PI15: variants seen among roughly 807,000 people sequenced by gnomAD.
PI15 encodes peptidase inhibitor 15.
PI15 carries 18 observed loss-of-function variants against 31.0 expected under a neutral mutation model. The ratio of observed to expected loss-of-function variants is 0.58; its 90% CI spans 0.40 to 0.86. The LOEUF (loss-of-function observed/expected upper bound fraction) is 0.86, where lower values mean the gene tolerates loss of function less well. Among genes scored for constraint, PI15 ranks in the 40% least tolerant of loss-of-function variants. The pLI is 0.00. For synonymous variants in PI15, 118 were observed against 119.1 expected, an observed-to-expected ratio of 0.99 and a Z score of 0.06; for missense variants, 282 against 328.1, an observed-to-expected ratio of 0.86 and a Z score of 1.09.
At chr8:74,840,324 T>A (rs1456107154) in intron 2 of PI15, among the ~76,000 whole-genome samples, 1 of 151,868 alleles carries the variant, frequency 6.6e-6, no homozygotes, top group Non-Finnish European at 1.5e-5. Context: ...CACTGGGTCT[T>A]ATTTTTTTCT....
Position 74,854,603 on chromosome 8 carries a change from T to C in PI15, c.*5350T>C, listed in dbSNP as rs1346397678. On this transcript the variant is annotated 3_prime_UTR_variant, in exon 6 of 6. Transcript: ENST00000260113. ...AATATTCAGTTCAGTTTGTACCTGT[T>C]AGCAGTCTTTCAGTTTGGGGGAGAA... The C allele has an allele frequency of 6.6e-6, 1 of 152,152 alleles. No individual in the cohort carries two copies. The highest frequency in any genetic ancestry group is 1.5e-5 in the Non-Finnish European group (1 of 67,992). 9.4% of individuals were successfully genotyped at this position (152,152 alleles called of 1,614,324 possible). A position where few individuals can be genotyped will look rare whatever the true frequency, so the allele number is the denominator to read the frequency against.
chr8:74,829,799 T>C lies in PI15; in HGVS notation c.273+4277T>C, dbSNP rs543831480. On this transcript the variant is annotated intron_variant, in intron 2 of 5. Transcript: ENST00000260113. ...GCGATAATCTCTAGTTGGCAGATCA[T>C]GAAAGGCTCCTTGGAGGAGGAGCAT... Among the ~76,000 whole-genome samples the C allele has an allele frequency of 3.9e-5, 6 of 152,170 alleles. No homozygotes were observed. The East Asian group carries it at 1.2e-3, about 29-fold the overall frequency.
intron 2 of PI15, among the ~76,000 whole-genome samples, chr8:74,833,656 T>C (rs1039711986): frequency 1.3e-5 from 2 of 152,210 alleles, no homozygotes; most frequent in Non-Finnish European, 2.9e-5. Flanking sequence ...AGAGCTGTGC[T>C]ACATACACTT....
At position 74,830,936 on chromosome 8, in the gene PI15, T is replaced by G. The variant is rs550457948; in HGVS notation, c.273+5414T>G. Reference sequence around the variant, plus strand: ...GCGTTTTCTCCAGCACATTCAGAACTCTACATTCCTGCTCTCCTGGATGTA... The same window carrying G: ...GCGTTTTCTCCAGCACATTCAGAACGCTACATTCCTGCTCTCCTGGATGTA... On this transcript the variant is annotated intron_variant, in intron 2 of 5. Transcript: ENST00000260113. 3.3e-5 allele frequency among the ~76,000 whole-genome samples: 5 copies of G among 152,292 alleles called. No homozygotes were observed. The East Asian group carries it at 9.7e-4, about 29-fold the overall frequency.
Position 74,849,974 on chromosome 8 carries a change from A to G in PI15, c.*721A>G, listed in dbSNP as rs1215736014. On this transcript the variant is annotated 3_prime_UTR_variant, in exon 6 of 6. Coordinates refer to ENST00000260113, the MANE Select transcript of PI15 (RefSeq NM_015886.5). Reference sequence around the variant, plus strand: ...AGTCGTCATGAGTTGAGTGCTTACTACATGCAAGGCACTCTGCTAGTTATA... The same window carrying G: ...AGTCGTCATGAGTTGAGTGCTTACTGCATGCAAGGCACTCTGCTAGTTATA... 5 of 152,304 alleles carry G rather than the reference A, an allele frequency of 3.3e-5. No homozygotes were observed. The highest frequency in any genetic ancestry group is 9.6e-5 in the African/African-American group (4 of 41,576). The allele number at this position is 152,304 out of a possible 1,614,324, so 9.4% of individuals were successfully genotyped here. A position where few individuals can be genotyped will look rare whatever the true frequency, so the allele number is the denominator to read the frequency against.
At chr8:74,836,907 C>T (rs1481935847) in intron 2 of PI15, among the ~76,000 whole-genome samples, 1 of 151,980 alleles carries the variant, frequency 6.6e-6, no homozygotes, top group African/African-American at 2.4e-5. Flanking sequence ...ACAACTCTCT[C>T]AAGGAATTTT....
intron 5 of PI15, among the ~76,000 whole-genome samples, chr8:74,847,382 T>C (rs1811041007): frequency 6.6e-6 from 1 of 151,204 alleles, no homozygotes; most frequent in Admixed American, 6.6e-5. Context: ...GTGGTGGAGG[T>C]TGCAGTGAGC....
At chr8:74,843,700 C>A (rs755757267) in intron 2 of PI15, among the ~76,000 whole-genome samples, 1 of 151,986 alleles carries the variant, frequency 6.6e-6, no homozygotes, top group Non-Finnish European at 1.5e-5. Context: ...CCTATCACTA[C>A]GAAAAATACA....
At chr8:74,832,855 C>T (rs1301930476) in intron 2 of PI15, among the ~76,000 whole-genome samples, 2 of 152,094 alleles carry the variant, frequency 1.3e-5, no homozygotes, top group Admixed American at 1.3e-4. Flanking sequence ...CTCATAAAAT[C>T]TCTTAAAATT....
chr8:74,842,495 A>G (rs1810959408), intron 2 of PI15, among the ~76,000 whole-genome samples: 1 of 152,178 alleles, frequency 6.6e-6, no homozygotes, highest in South Asian at 2.1e-4. Context: ...ACAGGTAAAT[A>G]CTTCACTAAA....
intron 2 of PI15, among the ~76,000 whole-genome samples, chr8:74,828,645 C>T (rs983547888): frequency 2.0e-5 from 3 of 152,078 alleles, no homozygotes; most frequent in Non-Finnish European, 4.4e-5. Flanking sequence ...CTATGTACCT[C>T]AGAAACTTAG....
chr8:74,839,868 CAGAT>C (rs575005214), intron 2 of PI15, among the ~76,000 whole-genome samples: 159 of 152,218 alleles, frequency 1.0e-3, no homozygotes, highest in Middle Eastern at 6.8e-3. Context: ...AGAAATTTAT[CAGAT>C]AGATTGCCTA....
chr8:74,844,572 T>G (rs1196722043), intron 3 of PI15, among the ~76,000 whole-genome samples: 4 of 152,100 alleles, frequency 2.6e-5, no homozygotes, highest in African/African-American at 9.7e-5. Flanking sequence ...CACATACATA[T>G]ACATGCAGGT....
In PI15 at chr8:74,849,260, CT is replaced by C; in HGVS notation, c.*11del. On this transcript the variant is annotated 3_prime_UTR_variant, in exon 6 of 6. Coordinates refer to ENST00000260113, the MANE Select transcript of PI15 (RefSeq NM_015886.5). ...CCTGTACTGGTTTAAATAAGTTTAC[CT>C]TTTCCTCCAGGAAATATAATGATTT... 1 of 1,606,158 alleles carries C rather than the reference CT, an allele frequency of 6.2e-7. No homozygotes were observed. The highest frequency in any genetic ancestry group is 8.5e-7 in the Non-Finnish European group (1 of 1,174,836).
chr8:74,825,620 C>A, intron 2 of PI15, 98 bp downstream of exon 2: 2 of 946,928 alleles, frequency 2.1e-6, no homozygotes, highest in Non-Finnish European at 3.1e-6. Context: ...TTTATATGTC[C>A]GGGTATATGG....
rs185002269 is a variant in PI15 at position 74,853,552 on chromosome 8, A to C, written c.*4299A>C. On this transcript the variant is annotated 3_prime_UTR_variant, in exon 6 of 6. Coordinates refer to ENST00000260113, the MANE Select transcript of PI15 (RefSeq NM_015886.5). The stretch of plus-strand genomic sequence containing the variant: ...AAGTCAAATATCACCTAAACTGGTT[A>C]GATTACTTCTACAGCTAATAATATT... The C allele has an allele frequency of 1.3e-4, 20 of 152,630 alleles. No individual in the cohort carries two copies. The highest frequency in any genetic ancestry group is 4.8e-4 in the African/African-American group (20 of 41,558). The allele number at this position is 152,630 out of a possible 1,614,324, so 9.5% of individuals were successfully genotyped here.
intron 2 of PI15, among the ~76,000 whole-genome samples, chr8:74,832,741 C>A (rs1027990723): frequency 6.7e-6 from 1 of 150,354 alleles, no homozygotes; most frequent in African/African-American, 2.5e-5. Context: ...GATTTGAATT[C>A]TTCCAGTCTA....
chr8:74,846,522 T>C (rs929141160), intron 5 of PI15, among the ~76,000 whole-genome samples: 5 of 152,218 alleles, frequency 3.3e-5, no homozygotes, highest in African/African-American at 1.2e-4. Flanking sequence ...GTCTAAGAGA[T>C]TTTTGTTTCA....
intron 2 of PI15, among the ~76,000 whole-genome samples, chr8:74,843,555 C>G (rs997014948): frequency 2.0e-5 from 3 of 152,182 alleles, no homozygotes; most frequent in Admixed American, 6.5e-5. Flanking sequence ...TGGTGAAACT[C>G]TGTCTCTACT....
Sources: gnomAD v4.1 joint callset for allele counts (sites outside exome capture counted in the v4.1 genomes callset) on GRCh38, gnomAD v4.1.1 for gene constraint, MANE v1.5 for transcripts, NCBI Gene and HGNC (gene_info 2026-07-23, HGNC 2026-07-21) for gene names.